The following NCAM2 variants were observed in gnomAD, a reference collection of about 807,000 sequenced individuals.
The protein encoded by NCAM2 is N-CAM-2.
A neutral mutation model predicts 98.1 loss-of-function variants in NCAM2; 30 were observed. The observed-to-expected ratio is 0.31, with a 90% CI of 0.23 to 0.41. NCAM2 has a LOEUF of 0.41. NCAM2 is among the 10% of genes least tolerant of loss of function. The probability of loss-of-function intolerance (pLI) is 1.00; values close to 1 mark genes in which losing one functional copy is unlikely to be tolerated. For synonymous variants in NCAM2, 368 were observed against 342.4 expected (o/e 1.07, Z -0.83); for missense variants, 867 against 1,005.8 (o/e 0.86, Z 1.87).
chr21:21,425,859 T>A (rs2145993128), intron 11 of NCAM2, among the ~76,000 whole-genome samples: 1 of 152,322 alleles, frequency 6.6e-6, no homozygotes, highest in East Asian at 1.9e-4. Context: ...GCTCACAATG[T>A]TTCTTGCTCT....
intron 1 of NCAM2, among the ~76,000 whole-genome samples, chr21:21,101,534 A>T (rs1043951354): frequency 1.3e-5 from 2 of 152,084 alleles, no homozygotes; most frequent in African/African-American, 4.8e-5. Context: ...TTCACTACAT[A>T]CTAGCTGTAA....
intron 1 of NCAM2, among the ~76,000 whole-genome samples, chr21:21,012,176 CT>C (rs2064224381): frequency 6.6e-6 from 1 of 152,040 alleles, no homozygotes. Context: ...CTTTTAGAGA[CT>C]TAAAATATTA....
At chr21:21,456,195 T>A (rs1322135130) in intron 12 of NCAM2, among the ~76,000 whole-genome samples, 2 of 152,178 alleles carry the variant, frequency 1.3e-5, no homozygotes, top group Non-Finnish European at 2.9e-5. Flanking sequence ...GAATGGGATA[T>A]ATGAAATAAA....
intron 1 of NCAM2, among the ~76,000 whole-genome samples, chr21:21,119,389 T>C (rs1322919310): frequency 6.6e-6 from 1 of 152,166 alleles, no homozygotes; most frequent in Non-Finnish European, 1.5e-5. Context: ...TCCCCATCAA[T>C]AAGAATAAAT....
At chr21:21,172,861 A>C (rs550209354) in intron 1 of NCAM2, among the ~76,000 whole-genome samples, 1 of 152,262 alleles carries the variant, frequency 6.6e-6, no homozygotes, top group Admixed American at 6.5e-5. Flanking sequence ...TATTTTCCAA[A>C]TGTATATTTT....
chr21:21,451,050 G>C (rs1980986966), intron 12 of NCAM2, among the ~76,000 whole-genome samples: 1 of 151,738 alleles, frequency 6.6e-6, no homozygotes, highest in African/African-American at 2.4e-5. Flanking sequence ...TCTTCCTTTG[G>C]TACCCTATAG....
intron 1 of NCAM2, among the ~76,000 whole-genome samples, chr21:21,054,389 G>A (rs1264827762): frequency 1.3e-5 from 2 of 151,928 alleles, no homozygotes; most frequent in Admixed American, 6.5e-5. Flanking sequence ...TACTCCTGTG[G>A]TCTAACAGAT....
chr21:21,537,086 T>C (rs1039891325), intron 17 of NCAM2, among the ~76,000 whole-genome samples: 7 of 152,126 alleles, frequency 4.6e-5, no homozygotes, highest in African/African-American at 1.7e-4. Flanking sequence ...AATTTTATTT[T>C]ATTTTATTTT....
intron 1 of NCAM2, among the ~76,000 whole-genome samples, chr21:21,270,728 A>G (rs1340934869): frequency 2.0e-5 from 3 of 152,136 alleles, no homozygotes. Context: ...TCTTTTTAGT[A>G]TGATGTATTT....
At chr21:21,241,444 A>T (rs894581897) in intron 1 of NCAM2, among the ~76,000 whole-genome samples, 1 of 152,170 alleles carries the variant, frequency 6.6e-6, no homozygotes, top group East Asian at 1.9e-4. Context: ...TAACTTCTGT[A>T]TTTTATAAAT....
chr21:21,167,791 C>A (rs528797672), intron 1 of NCAM2, among the ~76,000 whole-genome samples: 3 of 152,168 alleles, frequency 2.0e-5, no homozygotes, highest in African/African-American at 4.8e-5. Context: ...TCTGACTAGG[C>A]CCTTATTAAA....
intron 5 of NCAM2, among the ~76,000 whole-genome samples, chr21:21,309,323 T>C (rs2073975969): frequency 6.6e-6 from 1 of 152,182 alleles, no homozygotes; most frequent in South Asian, 2.1e-4. Context: ...TTTCTAGAAA[T>C]ACAGATGAAC....
rs11384559 is a variant in NCAM2, at chr21:21,327,306, C to CAAAAAAAAAA, written c.737+2821_737+2830dup. ...CAGGCAACAGAGCAAGACTCTGTCT[C>CAAAAAAAAAA]AAAAAAAAAAAAAAAAAAAAAAAAT... On this transcript the variant is annotated intron_variant, in intron 6 of 17. Transcript: ENST00000400546. Among the ~76,000 whole-genome samples the CAAAAAAAAAA allele has an allele frequency of 4.2e-3, 347 of 82,164 alleles. 11 individuals carry two copies. In the East Asian group the frequency reaches 0.055, roughly 13 times the overall value. The allele number at this position is 82,164 out of a possible 152,430, so 53.9% of individuals were successfully genotyped here. A position where few individuals can be genotyped will look rare whatever the true frequency, so the allele number is the denominator to read the frequency against.
At chr21:21,325,885 A>G (rs990470255) in intron 6 of NCAM2, among the ~76,000 whole-genome samples, 1 of 152,202 alleles carries the variant, frequency 6.6e-6, no homozygotes, top group African/African-American at 2.4e-5. Flanking sequence ...TGGGAAAAAC[A>G]TCTTAAACTT....
chr21:21,199,977 C>G (rs1191064932), intron 1 of NCAM2, among the ~76,000 whole-genome samples: 4 of 152,052 alleles, frequency 2.6e-5, no homozygotes, highest in Non-Finnish European at 5.9e-5. Context: ...AATTATATTG[C>G]TGTGCATGTT....
intron 11 of NCAM2, 35 bp downstream of exon 11, chr21:21,418,604 C>G: frequency 7.1e-7 from 1 of 1,409,200 alleles, no homozygotes; most frequent in South Asian, 1.2e-5. Flanking sequence ...AGATCGCACA[C>G]AATATTTCTG....
intron 1 of NCAM2, among the ~76,000 whole-genome samples, chr21:21,180,055 G>T (rs1325766282): frequency 6.6e-6 from 1 of 152,144 alleles, no homozygotes. Context: ...ATCAGCTGGA[G>T]CTTTTGAGCA....
chr21:21,327,472 T>G (rs745624291), intron 6 of NCAM2, among the ~76,000 whole-genome samples: 2 of 152,162 alleles, frequency 1.3e-5, no homozygotes, highest in African/African-American at 4.8e-5. Flanking sequence ...CTTTTTTGTT[T>G]GTTTTTAATA....
intron 1 of NCAM2, among the ~76,000 whole-genome samples, chr21:21,029,691 C>T (rs59103765): frequency 0.25 from 37,220 of 151,772 alleles, 5,626 homozygotes; most frequent in Non-Finnish European, 0.34. Context: ...AGTACAGTGG[C>T]GCGATCTTGG....
Sources: gnomAD v4.1 joint callset for allele counts (sites outside exome capture counted in the v4.1 genomes callset) on GRCh38, gnomAD v4.1.1 for gene constraint, MANE v1.5 for transcripts, NCBI Gene and HGNC (gene_info 2026-07-23, HGNC 2026-07-21) for gene names.